Variants in TNRC6A observed in about 807,000 individuals in gnomAD.
TNRC6A encodes trinucleotide repeat containing adaptor 6A.
TNRC6A carries 44 observed loss-of-function variants against 221.2 expected under a neutral mutation model. That is an observed-to-expected ratio of 0.20 (90% CI 0.16 to 0.26). TNRC6A has a LOEUF of 0.26. TNRC6A is among the 10% of genes least tolerant of loss of function. TNRC6A has a pLI of 1.00. For synonymous variants in TNRC6A, 847 were observed against 838.5 expected (o/e 1.01, Z -0.18); for missense variants, 2,199 against 2,404.4 (o/e 0.91, Z 1.79).
intron 4 of TNRC6A, among the ~76,000 whole-genome samples, chr16:24,758,915 T>C (rs973381228): frequency 2.0e-5 from 3 of 152,082 alleles, no homozygotes; most frequent in Admixed American, 2.0e-4. Context: ...AACAGGACAC[T>C]AATTCCTCTC....
At chr16:24,810,702 A>T (rs2058524689) in intron 18 of TNRC6A, among the ~76,000 whole-genome samples, 1 of 152,180 alleles carries the variant, frequency 6.6e-6, no homozygotes, top group African/African-American at 2.4e-5. Flanking sequence ...GACAGAAAAG[A>T]GGTAGATGAA....
intron 4 of TNRC6A, among the ~76,000 whole-genome samples, chr16:24,759,105 G>A (rs1188163579): frequency 6.6e-6 from 1 of 152,012 alleles, no homozygotes; most frequent in Non-Finnish European, 1.5e-5. Flanking sequence ...GTTCAAAGAA[G>A]GAATGAAATG....
intron 1 of TNRC6A, among the ~76,000 whole-genome samples, chr16:24,626,684 G>GT (rs1901015292): frequency 7.9e-6 from 1 of 127,086 alleles, no homozygotes. Context: ...GAGTCTCACT[G>GT]TGTCGCCCAG....
chr16:24,720,518 G>C (rs1402905303), intron 2 of TNRC6A, among the ~76,000 whole-genome samples: 1 of 150,906 alleles, frequency 6.6e-6, no homozygotes, highest in Non-Finnish European at 1.5e-5. Flanking sequence ...GTGAAACCCC[G>C]TCTCTACTAA....
chr16:24,810,096 AACT>A (rs1213861201), intron 18 of TNRC6A, among the ~76,000 whole-genome samples: 1 of 152,240 alleles, frequency 6.6e-6, no homozygotes, highest in Non-Finnish European at 1.5e-5. Flanking sequence ...TACAGGTGTG[AACT>A]ACTGCACCTG....
intron 1 of TNRC6A, among the ~76,000 whole-genome samples, chr16:24,622,739 AG>A (rs767267249): frequency 8.5e-5 from 13 of 152,362 alleles, no homozygotes; most frequent in Non-Finnish European, 1.8e-4. Flanking sequence ...ACTAGCCAGA[AG>A]CAAACCTGGT....
In TNRC6A at chr16:24,729,658, G is replaced by A; in HGVS notation, c.-184G>A. 1 of 621,338 alleles carries A rather than the reference G, an allele frequency of 1.6e-6. No homozygotes were observed. Among genetic ancestry groups the A allele is most frequent in the South Asian group, 5.1e-5 (1 of 19,466 alleles). The allele number at this position is 621,338 out of a possible 1,614,324, so 38.5% of individuals were successfully genotyped here. A position where few individuals can be genotyped will look rare whatever the true frequency, so the allele number is the denominator to read the frequency against. ...TTGCCGAGTGGGGCATTCACTTCCG[G>A]TCTGGGGCCTGCGGCGGCGGCGGTG... is the stretch of plus-strand genomic sequence containing the variant. On this transcript the variant is annotated 5_prime_UTR_variant, in exon 1 of 25. Transcript: ENST00000395799.
intron 2 of TNRC6A, among the ~76,000 whole-genome samples, chr16:24,704,664 C>CGAAAAAAAA (rs2056058465): frequency 1.4e-5 from 1 of 69,464 alleles, no homozygotes; most frequent in Non-Finnish European, 2.8e-5. Flanking sequence ...GACTCCGTCT[C>CGAAAAAAAA]AAAAAAAAAA....
intron 7 of TNRC6A, among the ~76,000 whole-genome samples, chr16:24,793,998 A>G (rs2058166904): frequency 6.6e-6 from 1 of 152,202 alleles, no homozygotes; most frequent in Non-Finnish European, 1.5e-5. Flanking sequence ...ACACATATTC[A>G]GACTGTCAGA....
At chr16:24,684,420 A>G (rs2055588431) in intron 2 of TNRC6A, among the ~76,000 whole-genome samples, 1 of 151,966 alleles carries the variant, frequency 6.6e-6, no homozygotes. Context: ...CAAAAACATA[A>G]CACAATTTTA....
At chr16:24,730,480 CGT>C (rs1325923340) in intron 2 of TNRC6A, among the ~76,000 whole-genome samples, 180 bp downstream of exon 2, 12 of 144,804 alleles carry the variant, frequency 8.3e-5, no homozygotes, top group African/African-American at 2.6e-4. Context: ...CGTAATTACG[CGT>C]GTGTTTCTTT....
Position 24,719,687 on chromosome 16 carries a change from A to C in TNRC6A, n.403-31039A>C, listed in dbSNP as rs543116162. Among the ~76,000 whole-genome samples, 7 of 152,006 alleles carry C rather than the reference A, an allele frequency of 4.6e-5. No homozygotes were observed. In the East Asian group the frequency reaches 1.2e-3, roughly 25 times the overall value. ...AAAATTAAAAAAATAAAAAAAAAAT[A>C]AAAATTAGTTGAGTGTGGTAGTGTC... On this transcript the variant is annotated intron_variant and non_coding_transcript_variant, in intron 2 of 2. Transcript: ENST00000566108.
In TNRC6A at chr16:24,644,743, A is replaced by G. The variant is rs150925364; in HGVS notation, n.402+3734A>G. On this transcript the variant is annotated intron_variant and non_coding_transcript_variant, in intron 2 of 2. Transcript: ENST00000566108. ...GCTGGGATTACAGGCATGAGCCACCACACCCAGCCCATCACTATTGAATAG... is the reference window on the plus strand; with the variant it reads ...GCTGGGATTACAGGCATGAGCCACCGCACCCAGCCCATCACTATTGAATAG... Among the ~76,000 whole-genome samples the G allele has an allele frequency of 7.2e-3, 1,103 of 152,234 alleles. 8 individuals are homozygous for G. Among genetic ancestry groups the G allele is most frequent in the Middle Eastern group, 0.017 (5 of 294 alleles).
chr16:24,703,096 G>A (rs2142232233), intron 2 of TNRC6A, among the ~76,000 whole-genome samples: 2 of 151,206 alleles, frequency 1.3e-5, no homozygotes, highest in South Asian at 4.2e-4. Flanking sequence ...ATTCAATGGT[G>A]TTTAATACAT....
At chr16:24,729,941 C>CAGCAGAGGCGGCGGCGGCAGCAGAGGCGG in intron 1 of TNRC6A, 95 bp downstream of exon 1, 1 of 1,062,606 alleles carries the variant, frequency 9.4e-7, no homozygotes, top group Non-Finnish European at 1.2e-6. Context: ...GGCGGCGGCG[C>CAGCAGAGGCGGCGGCGGCAGCAGAGGCGG]CGGGCGTCCC....
chr16:24,812,396 A>G lies in TNRC6A; in HGVS notation c.4673-2751A>G, dbSNP rs530128078. 1.1e-3 allele frequency among the ~76,000 whole-genome samples: 169 copies of G among 152,230 alleles called. No individual in the cohort carries two copies. The Middle Eastern group carries it at 0.02, about 18-fold the overall frequency. ...AGAGAGAGAACAGGGAGTTGAGACA[A>G]TGGGGAAATGGCAAAATAAATATGA... On this transcript the variant is annotated intron_variant, in intron 18 of 24. Coordinates refer to ENST00000395799, the MANE Select transcript of TNRC6A (RefSeq NM_014494.4).
intron 2 of TNRC6A, among the ~76,000 whole-genome samples, chr16:24,708,778 C>T (rs2142285870): frequency 6.6e-6 from 1 of 152,294 alleles, no homozygotes; most frequent in Non-Finnish European, 1.5e-5. Context: ...ACTTACTTCA[C>T]TTAGAATAAT....
intron 2 of TNRC6A, among the ~76,000 whole-genome samples, chr16:24,669,420 C>A (rs1352389175): frequency 6.6e-6 from 1 of 151,754 alleles, no homozygotes; most frequent in African/African-American, 2.4e-5. Flanking sequence ...GCCCAGGAGG[C>A]AGAGGCTGCA....
chr16:24,611,043 C>T (rs1053070145), intron 1 of TNRC6A, among the ~76,000 whole-genome samples: 1 of 152,106 alleles, frequency 6.6e-6, no homozygotes, highest in Admixed American at 6.6e-5. Flanking sequence ...GAACTCCTGA[C>T]CTCCGGTGAT....
Sources: allele counts gnomAD v4.1 joint callset (sites outside exome capture counted in the v4.1 genomes callset), GRCh38; gene constraint gnomAD v4.1.1; transcripts MANE v1.5; gene names NCBI Gene and HGNC (gene_info 2026-07-23, HGNC 2026-07-21).